The following OTUD7B variants were observed in gnomAD, a reference collection of about 807,000 sequenced individuals.
The protein encoded by OTUD7B is OTU domain-containing protein 7B.
In OTUD7B, 34 loss-of-function variants were observed where a neutral mutation model predicts 82.2. The ratio of observed to expected loss-of-function variants is 0.41; its 90% confidence interval spans 0.31 to 0.55. The LOEUF (loss-of-function observed/expected upper bound fraction) is 0.55. Ranked by LOEUF, OTUD7B falls within the 20% of genes least tolerant of loss-of-function variation. OTUD7B has a pLI of 0.20. For synonymous variants in OTUD7B, 398 were observed against 402.7 expected (o/e 0.99, Z 0.14); for missense variants, 944 against 1,062.1 (o/e 0.89, Z 1.55).
chr1:149,988,887 GAAAA>G (rs1189135291), intron 1 of OTUD7B, among the ~76,000 whole-genome samples: 2 of 151,878 alleles, frequency 1.3e-5, no homozygotes, highest in Admixed American at 1.3e-4. Context: ...TCACACAAGA[GAAAA>G]AAACACTATA....
the OTUD7B span, among the ~76,000 whole-genome samples, chr1:150,049,615 T>TTCTCTC: frequency 1.6e-5 from 1 of 63,138 alleles, no homozygotes. Flanking sequence ...TTTATTTTCC[T>TTCTCTC]TCTCTCTCTC....
the OTUD7B span, among the ~76,000 whole-genome samples, chr1:150,041,653 T>C: frequency 6.6e-6 from 1 of 152,168 alleles, no homozygotes; most frequent in African/African-American, 2.4e-5. Context: ...TTTTTATATT[T>C]TCTCTCCTTC....
At chr1:150,056,875 G>A in the OTUD7B span, among the ~76,000 whole-genome samples, 4 of 152,148 alleles carry the variant, frequency 2.6e-5, no homozygotes, top group Non-Finnish European at 5.9e-5. Context: ...TTGCAGGCAA[G>A]AACCATCAAT....
At chr1:149,955,301 C>T (rs1303613629) in intron 7 of OTUD7B, among the ~76,000 whole-genome samples, 4 of 152,110 alleles carry the variant, frequency 2.6e-5, no homozygotes, top group Admixed American at 6.6e-5. Context: ...CATTATGTAC[C>T]CAGTAGTCAT....
At chr1:150,014,032 A>G (rs1401228853), upstream of OTUD7B, among the ~76,000 whole-genome samples, 2 of 130,572 alleles carry the variant, frequency 1.5e-5, no homozygotes, top group East Asian at 4.7e-4. Context: ...ATACGTATAT[A>G]TACGTATATA....
chr1:150,056,749 T>C, the OTUD7B span, among the ~76,000 whole-genome samples: 1 of 152,062 alleles, frequency 6.6e-6, no homozygotes, highest in Non-Finnish European at 1.5e-5. Flanking sequence ...CTGACACAAA[T>C]AAATGACTGA....
chr1:149,994,161 GGT>G (rs1189418296), intron 1 of OTUD7B, among the ~76,000 whole-genome samples: 2 of 152,118 alleles, frequency 1.3e-5, no homozygotes, highest in Non-Finnish European at 2.9e-5. Context: ...TATTGGTAGT[GGT>G]GGTGGTGATA....
intron 10 of OTUD7B, 102 bp from the exon 11 acceptor site, chr1:149,947,437 C>G (rs1647841416): frequency 1.5e-6 from 1 of 653,226 alleles, no homozygotes; most frequent in South Asian, 1.7e-5. Flanking sequence ...GCTTAGGACT[C>G]AAATAGGGTT....
intron 7 of OTUD7B, among the ~76,000 whole-genome samples, chr1:149,952,895 GTTGA>G (rs1648371442): frequency 6.6e-6 from 1 of 152,028 alleles, no homozygotes. Flanking sequence ...TTTTGATGGG[GTTGA>G]TTTTTTCTTA....
At chr1:150,062,906 G>A in the OTUD7B span, among the ~76,000 whole-genome samples, 1 of 151,324 alleles carries the variant, frequency 6.6e-6, no homozygotes, top group African/African-American at 2.4e-5. Context: ...TAGAATCAGA[G>A]TTTCACCATG....
rs990838023 is a variant in OTUD7B, at chr1:149,944,688, A to G, written c.1701T>C (p.Ala567=). Residue 567 remains alanine, a synonymous_variant, in exon 12 of 12, where the codon GCT becomes GCC. Coordinates refer to ENST00000581312, the MANE Select transcript of OTUD7B (RefSeq NM_020205.4). Reference sequence around the variant, plus strand: ...GCTTCTCAGACACAGGCCCATCCCCAGCTGCCTCCTCCTTGCCACCCTTCC... The same window carrying G: ...GCTTCTCAGACACAGGCCCATCCCCGGCTGCCTCCTCCTTGCCACCCTTCC... The part of the protein sequence containing the change: ...KSWKGGKEEA[A]GDGPVSEKPP... The G allele has an allele frequency of 1.2e-5, 19 of 1,613,554 alleles. No individual in the cohort carries two copies. Among genetic ancestry groups the G allele is most frequent in the Non-Finnish European group, 1.5e-5 (18 of 1,179,964 alleles).
the OTUD7B span, among the ~76,000 whole-genome samples, chr1:150,031,519 G>A: frequency 1.4e-4 from 22 of 152,214 alleles, no homozygotes; most frequent in African/African-American, 4.1e-4. Flanking sequence ...TTAATAAAAC[G>A]CTGTGCTTTT....
intron 2 of OTUD7B, among the ~76,000 whole-genome samples, chr1:149,972,612 T>C (rs1650014026): frequency 6.6e-6 from 1 of 152,232 alleles, no homozygotes; most frequent in Admixed American, 6.5e-5. Context: ...ATAATTTACT[T>C]AGTTATCACA....
At chr1:149,956,185 T>C (rs1192014276) in intron 7 of OTUD7B, among the ~76,000 whole-genome samples, 2 of 152,202 alleles carry the variant, frequency 1.3e-5, no homozygotes, top group African/African-American at 4.8e-5. Context: ...GTTGTTCCTT[T>C]CCATGTTTAG....
the OTUD7B span, among the ~76,000 whole-genome samples, chr1:150,036,000 C>G: frequency 2.1e-4 from 30 of 141,514 alleles, no homozygotes; most frequent in East Asian, 1.3e-3. Context: ...GCCGTCCAGG[C>G]TGGAGTGCAA....
intron 1 of OTUD7B, among the ~76,000 whole-genome samples, chr1:149,990,080 G>A (rs1651456880): frequency 2.0e-5 from 3 of 152,170 alleles, no homozygotes; most frequent in Admixed American, 2.0e-4. Context: ...ACCAGGCACT[G>A]CCATGGGGCC....
intron 1 of OTUD7B, among the ~76,000 whole-genome samples, chr1:149,998,543 C>T (rs1308690166): frequency 6.6e-6 from 1 of 152,206 alleles, no homozygotes; most frequent in Admixed American, 6.6e-5. Context: ...CGCTATATTT[C>T]TCTCTTCTCT....
At chr1:150,014,044 G>GTATATATACGTATATATACGTATATA (rs1553787990), upstream of OTUD7B, among the ~76,000 whole-genome samples, 296 of 106,596 alleles carry the variant, frequency 2.8e-3, 4 homozygotes, top group African/African-American at 0.011. Context: ...ACGTATATAT[G>GTATATATACGTATATATACGTATATA]TGTGTGTATA....
chr1:149,995,096 GACA>G (rs1317402531), intron 1 of OTUD7B, among the ~76,000 whole-genome samples: 8 of 152,146 alleles, frequency 5.3e-5, no homozygotes, highest in African/African-American at 1.7e-4. Context: ...AAGACAAACT[GACA>G]ACATTTAGCA....
Sources: gnomAD v4.1 joint callset for allele counts (sites outside exome capture counted in the v4.1 genomes callset) on GRCh38, gnomAD v4.1.1 for gene constraint, MANE v1.5 for transcripts, NCBI Gene and HGNC (gene_info 2026-07-23, HGNC 2026-07-21) for gene names.